ELAVL4: variants seen among roughly 807,000 people sequenced by gnomAD.
ELAVL4 encodes the protein ELAV like RNA binding protein 4.
Under a neutral mutation model 35.6 loss-of-function variants are expected in ELAVL4, and 1 was observed. That is an observed-to-expected ratio of 0.03 (90% CI 0.01 to 0.13). The LOEUF (loss-of-function observed/expected upper bound fraction) is 0.13. Ranked by LOEUF, ELAVL4 falls within the 10% of genes least tolerant of loss-of-function variation. ELAVL4 has a pLI of 1.00. For missense variants in ELAVL4, 267 were observed against 464.9 expected (o/e 0.57, Z 3.91); for synonymous variants, 156 against 171.0 (o/e 0.91, Z 0.69).
intron 1 of ELAVL4, among the ~76,000 whole-genome samples, chr1:50,094,742 C>CAATAAATA (rs60522222): frequency 0.43 from 58,427 of 135,154 alleles, 13,639 homozygotes; most frequent in Middle Eastern, 0.57. Context: ...CCTGTCTCTA[C>CAATAAATA]AATAAATAAA....
upstream of ELAVL4, chr1:50,106,241 TG>T: frequency 6.8e-7 from 1 of 1,470,062 alleles, no homozygotes; most frequent in Non-Finnish European, 9.4e-7. Flanking sequence ...ACAGTCCATC[TG>T]GACTCTGTGT....
chr1:50,073,198 G>T (rs144104499), intron 1 of ELAVL4, among the ~76,000 whole-genome samples: 133 of 152,232 alleles, frequency 8.7e-4, no homozygotes, highest in African/African-American at 3.2e-3. Context: ...TACAGAGGAA[G>T]AAACATTCTG....
At chr1:50,115,615 G>C (rs1157806816) in intron 1 of ELAVL4, among the ~76,000 whole-genome samples, 1 of 152,040 alleles carries the variant, frequency 6.6e-6, no homozygotes, top group Non-Finnish European at 1.5e-5. Flanking sequence ...TGGGGAAGCA[G>C]AGAAATGACC....
chr1:50,145,987 T>C (rs537179488), intron 2 of ELAVL4, among the ~76,000 whole-genome samples: 4 of 152,288 alleles, frequency 2.6e-5, no homozygotes, highest in South Asian at 2.1e-4. Flanking sequence ...AGTGAGAATA[T>C]TTTCTTGGAA....
At chr1:50,138,323 A>C (rs12022778) in intron 1 of ELAVL4, among the ~76,000 whole-genome samples, 33,001 of 152,150 alleles carry the variant, frequency 0.22, 3,634 homozygotes, top group East Asian at 0.35. Flanking sequence ...GGCTTTAGTG[A>C]ACATAAAATG....
At chr1:50,106,288 T>C, upstream of ELAVL4, 2 of 1,610,768 alleles carry the variant, frequency 1.2e-6, no homozygotes, top group Non-Finnish European at 1.7e-6. Flanking sequence ...TGCTGAGATA[T>C]CTGCAACCTT....
Position 50,078,650 on chromosome 1 carries a change from A to G in ELAVL4, c.18+30468A>G, listed in dbSNP as rs948718539. Among the ~76,000 whole-genome samples the G allele has an allele frequency of 3.3e-5, 5 of 152,218 alleles. No homozygotes were observed. In the East Asian group the frequency reaches 5.8e-4, roughly 18 times the overall value. Reference sequence around the variant, plus strand: ...GGAACTGGAACATTCAGTTCGTCCTACTGTCTGTCATCTCTAACCCCTTTG... The same window carrying G: ...GGAACTGGAACATTCAGTTCGTCCTGCTGTCTGTCATCTCTAACCCCTTTG... On this transcript the variant is annotated intron_variant, in intron 1 of 6. Coordinates refer to the ELAVL4 transcript ENST00000448907.
rs751594518 is a variant in ELAVL4, at chr1:50,144,705, A to G, written c.10-252A>G. The G allele has an allele frequency of 1.5e-5, 10 of 676,582 alleles. No homozygotes were observed. In the Admixed American group the frequency reaches 1.9e-4, roughly 13 times the overall value. The allele number at this position is 676,582 out of a possible 1,614,324, so 41.9% of individuals were successfully genotyped here. On this transcript the variant is annotated intron_variant, in intron 1 of 6. Transcript: ENST00000371824. ...AAACAGGAATTAGCTTTTCATTAACAAAATAATGGGAGAGTTCCTACTGCA... is the reference window on the plus strand; with the variant it reads ...AAACAGGAATTAGCTTTTCATTAACGAAATAATGGGAGAGTTCCTACTGCA...
intron 1 of ELAVL4, among the ~76,000 whole-genome samples, chr1:50,063,270 G>T (rs1278383951): frequency 1.3e-5 from 2 of 152,062 alleles, no homozygotes; most frequent in Non-Finnish European, 2.9e-5. Context: ...TTCATACATG[G>T]TGAATATTAT....
chr1:50,087,577 C>T (rs4268392), intron 1 of ELAVL4, among the ~76,000 whole-genome samples: 151,839 of 152,342 alleles, frequency 1, 75,671 homozygotes, highest in Middle Eastern at 1. Flanking sequence ...ATTTTCTACA[C>T]GAAATTTGCT....
intron 2 of ELAVL4, among the ~76,000 whole-genome samples, chr1:50,146,338 T>C (rs541277743): frequency 9.8e-5 from 15 of 152,326 alleles, no homozygotes; most frequent in African/African-American, 3.4e-4. Flanking sequence ...AAAACTTAAA[T>C]ACCACTGCTA....
At chr1:50,117,480 C>A (rs1173919396) in intron 1 of ELAVL4, among the ~76,000 whole-genome samples, 1 of 152,100 alleles carries the variant, frequency 6.6e-6, no homozygotes, top group East Asian at 1.9e-4. Flanking sequence ...CAAAGGACTT[C>A]AGAGTCAGTT....
intron 1 of ELAVL4, among the ~76,000 whole-genome samples, chr1:50,113,419 G>A (rs1054029548): frequency 6.6e-6 from 1 of 152,016 alleles, no homozygotes; most frequent in Non-Finnish European, 1.5e-5. Flanking sequence ...GTAAGAAATG[G>A]TTGTCTTCAT....
chr1:50,160,899 G>T (rs1676687089), intron 2 of ELAVL4, among the ~76,000 whole-genome samples: 3 of 152,220 alleles, frequency 2.0e-5, no homozygotes. Flanking sequence ...TGTAAGAATG[G>T]TGTCTGGTGG....
chr1:50,164,272 C>G (rs1220758911), intron 2 of ELAVL4, among the ~76,000 whole-genome samples: 1 of 152,156 alleles, frequency 6.6e-6, no homozygotes, highest in African/African-American at 2.4e-5. Flanking sequence ...ACCTACTGCT[C>G]TAGCATCCTC....
intron 1 of ELAVL4, among the ~76,000 whole-genome samples, chr1:50,080,719 C>T (rs976210306): frequency 1.3e-5 from 2 of 152,168 alleles, no homozygotes; most frequent in Admixed American, 1.3e-4. Context: ...ATGCATCCTT[C>T]AGGTCTCAGT....
upstream of ELAVL4, among the ~76,000 whole-genome samples, chr1:50,099,322 A>G (rs1401005295): frequency 6.6e-6 from 1 of 152,106 alleles, no homozygotes; most frequent in Non-Finnish European, 1.5e-5. Flanking sequence ...GCACTTTGGG[A>G]GGCCGAGGCA....
intron 1 of ELAVL4, among the ~76,000 whole-genome samples, chr1:50,132,140 A>G (rs1261623201): frequency 6.6e-6 from 1 of 152,068 alleles, no homozygotes; most frequent in Admixed American, 6.6e-5. Flanking sequence ...TGTTCATGAT[A>G]TTTTTAATCG....
rs750603443 is a variant in ELAVL4, at chr1:50,201,100, C to T, written c.1023C>T (p.Ile341=). ...MTNYDEAAMA[I]ASLNGYRLGD... The stretch of plus-strand genomic sequence containing the variant: ...ACTATGATGAGGCGGCCATGGCCAT[C>T]GCCAGCCTCAACGGGTACCGCCTGG... Residue 341 remains isoleucine (I), a synonymous_variant, in exon 7 of 7, where the codon ATC becomes ATT. Coordinates refer to ENST00000371824, the MANE Select transcript of ELAVL4 (RefSeq NM_001144774.3). This position sits in a 1 kb window ranked among gnomAD's most constrained non-coding sequence, Gnocchi z 4.3. 9.3e-6 allele frequency: 15 copies of T among 1,613,906 alleles called. No homozygotes were observed. Among genetic ancestry groups the T allele is most frequent in the African/African-American group, 6.7e-5 (5 of 74,922 alleles).
Sources: allele counts gnomAD v4.1 joint callset (sites outside exome capture counted in the v4.1 genomes callset), GRCh38; gene constraint gnomAD v4.1.1; non-coding constraint Gnocchi (gnomAD v3.1); transcripts MANE v1.5; gene names NCBI Gene and HGNC (gene_info 2026-07-23, HGNC 2026-07-21).